ABCC1: variants seen among roughly 807,000 people sequenced by gnomAD.
ABCC1 encodes the protein multidrug resistance-associated protein 1.
ABCC1 carries 83 observed loss-of-function variants against 172.9 expected under a neutral mutation model. That is an observed-to-expected ratio of 0.48 (90% confidence interval 0.40 to 0.58). The LOEUF (loss-of-function observed/expected upper bound fraction) is 0.58, where lower values mean the gene tolerates loss of function less well. Among genes scored for constraint, ABCC1 ranks in the 20% least tolerant of loss-of-function variants. The pLI is 0.00. For synonymous variants in ABCC1, 937 were observed against 825.2 expected (o/e 1.14, Z -2.32); for missense variants, 1,817 against 2,002.7 (o/e 0.91, Z 1.77).
chr16:16,132,008 G>T, intron 27 of ABCC1, 73 bp downstream of exon 27: 15 of 1,553,790 alleles, frequency 9.7e-6, no homozygotes, highest in Non-Finnish European at 1.3e-5. Context: ...GGTGAACCTA[G>T]CTGCAGCGTC....
intron 1 of ABCC1, among the ~76,000 whole-genome samples, chr16:16,006,425 GAAA>G (rs11441920): frequency 6.7e-6 from 1 of 149,172 alleles, no homozygotes; most frequent in African/African-American, 2.5e-5. Flanking sequence ...TTCAAAAAAA[GAAA>G]AAAAAAAGAA....
chr16:15,993,708 T>G (rs246218), intron 1 of ABCC1, among the ~76,000 whole-genome samples: 4 of 148,126 alleles, frequency 2.7e-5, no homozygotes, highest in Non-Finnish European at 4.4e-5. Context: ...AACCTAGACC[T>G]GGAACCTTGT....
intron 17 of ABCC1, 132 bp downstream of exon 17, chr16:16,083,674 T>G: frequency 8.5e-7 from 1 of 1,173,222 alleles, no homozygotes; most frequent in Non-Finnish European, 1.2e-6. Flanking sequence ...GCGGCTCTGC[T>G]GCACGCTGCA....
Position 16,142,425 on chromosome 16 carries a change from T to A in ABCC1, c.*1144T>A. On this transcript the variant is annotated 3_prime_UTR_variant, in exon 31 of 31. Coordinates refer to ENST00000399410, the MANE Select transcript of ABCC1 (RefSeq NM_004996.4). ...TAAAGAACACGAAATACCTCCCAAG[T>A]ATTACCAGTGGGTACCAAAAAAATG... The A allele has an allele frequency of 6.6e-6, 1 of 152,198 alleles. No individual in the cohort carries two copies. The highest frequency in any genetic ancestry group is 6.5e-5 in the Admixed American group (1 of 15,284). 9.4% of individuals were successfully genotyped at this position (152,198 alleles called of 1,614,324 possible).
intron 27 of ABCC1, among the ~76,000 whole-genome samples, chr16:16,132,363 G>A (rs968981901): frequency 2.7e-5 from 4 of 150,678 alleles, no homozygotes; most frequent in Non-Finnish European, 5.9e-5. Context: ...TGTAGAGATG[G>A]GGGTCCTACT....
At position 16,124,829 on chromosome 16, in the gene ABCC1, G is replaced by A. The variant is rs760384485; in HGVS notation, c.3631G>A (p.Val1211Ile). Residue 1211 changes from valine to isoleucine, a missense_variant, in exon 25 of 31, where the codon GTT (valine) becomes ATT (isoleucine). This residue lies in a region of ABCC1 where 1,412 missense variants were observed against 1,600.3 expected (regional missense o/e 0.88). Coordinates refer to ENST00000399410, the MANE Select transcript of ABCC1 (RefSeq NM_004996.4). Reference sequence around the variant, plus strand: ...GCTGGAGTGTGTGGGCAACTGCATCGTTCTGTTTGCTGCCCTGTTTGCGGT... The same window carrying A: ...GCTGGAGTGTGTGGGCAACTGCATCATTCTGTTTGCTGCCCTGTTTGCGGT... ...VRLECVGNCI[V>I]LFAALFAVIS... is the part of the protein sequence containing the mutation. The A allele has an allele frequency of 8.2e-5, 133 of 1,614,072 alleles. No individual in the cohort carries two copies. Among genetic ancestry groups the A allele is most frequent in the Non-Finnish European group, 1.1e-4 (125 of 1,180,048 alleles).
At chr16:16,027,537 G>A (rs1219231632) in intron 5 of ABCC1, among the ~76,000 whole-genome samples, 1 of 152,172 alleles carries the variant, frequency 6.6e-6, no homozygotes, top group Non-Finnish European at 1.5e-5. Flanking sequence ...TATAGGTTGG[G>A]CACGGTGGTT....
At chr16:16,044,422 A>C in intron 7 of ABCC1, 28 bp from the exon 8 acceptor site, 1 of 1,601,856 alleles carries the variant, frequency 6.2e-7, no homozygotes, top group Non-Finnish European at 8.5e-7. Flanking sequence ...GGCAGACCCC[A>C]CAACGGCTTC....
intron 19 of ABCC1, among the ~76,000 whole-genome samples, chr16:16,101,746 A>G (rs2051761649): frequency 6.6e-6 from 1 of 152,162 alleles, no homozygotes; most frequent in Non-Finnish European, 1.5e-5. Context: ...GGAAAGAGAT[A>G]TGATCTGTGT....
chr16:15,995,675 T>G (rs1257369982), intron 1 of ABCC1, among the ~76,000 whole-genome samples: 2 of 152,148 alleles, frequency 1.3e-5, no homozygotes, highest in Non-Finnish European at 2.9e-5. Context: ...GTTACTTATT[T>G]ATTTATTTTT....
intron 10 of ABCC1, among the ~76,000 whole-genome samples, chr16:16,049,276 G>T (rs1465791488): frequency 6.6e-6 from 1 of 152,172 alleles, no homozygotes; most frequent in African/African-American, 2.4e-5. Flanking sequence ...AGAGCACTCT[G>T]ATTAGCCTGG....
chr16:16,098,369 A>G (rs1019976709), intron 19 of ABCC1: 10 of 195,290 alleles, frequency 5.1e-5, no homozygotes, highest in African/African-American at 2.3e-4. Context: ...CTGTAATCCT[A>G]GCACTTTGGG....
Position 16,090,647 on chromosome 16 carries a change from T to C in ABCC1, c.2644+59T>C, listed in dbSNP as rs567965983. 44 of 1,477,006 alleles carry C rather than the reference T, an allele frequency of 3.0e-5. No homozygotes were observed. The Admixed American group carries it at 8.2e-4, about 28-fold the overall frequency. The allele number at this position is 1,477,006 out of a possible 1,614,324, so 91.5% of individuals were successfully genotyped here. ...GTGTCTGGCACCTTGAAGGGCCACATTGGCCTCTTTGAGGTTGCCACCAGC... is the reference window on the plus strand; with the variant it reads ...GTGTCTGGCACCTTGAAGGGCCACACTGGCCTCTTTGAGGTTGCCACCAGC... On this transcript the variant is annotated intron_variant, in intron 19 of 30. Transcript: ENST00000399410.
At chr16:15,987,320 A>G (rs1246943063) in intron 1 of ABCC1, among the ~76,000 whole-genome samples, 7 of 152,196 alleles carry the variant, frequency 4.6e-5, no homozygotes, top group Non-Finnish European at 1.0e-4. Flanking sequence ...ACAGATGCGG[A>G]AACTGAGGTT....
Position 15,960,104 on chromosome 16 carries a change from C to T in ABCC1, c.48+10305C>T, listed in dbSNP as rs189594077. Among the ~76,000 whole-genome samples the T allele has an allele frequency of 8.3e-4, 127 of 152,222 alleles. 3 individuals are homozygous for T. The highest frequency in any genetic ancestry group is 2.7e-3 in the African/African-American group (114 of 41,550). On this transcript the variant is annotated intron_variant, in intron 1 of 30. Coordinates refer to ENST00000399410, the MANE Select transcript of ABCC1 (RefSeq NM_004996.4). ...TACAAGAAATTTGTGTGGTGTTTGACTGATTGATGGATGGAGTCTTGTTCT... is the reference window on the plus strand; with the variant it reads ...TACAAGAAATTTGTGTGGTGTTTGATTGATTGATGGATGGAGTCTTGTTCT...
intron 6 of ABCC1, 133 bp downstream of exon 6, chr16:16,033,303 T>G: frequency 1.2e-6 from 1 of 863,160 alleles, no homozygotes; most frequent in Non-Finnish European, 1.9e-6. Flanking sequence ...GTCTTGAATC[T>G]GCCTGTGCTG....
intron 12 of ABCC1, among the ~76,000 whole-genome samples, chr16:16,062,904 C>A (rs2049974782): frequency 6.6e-6 from 1 of 152,152 alleles, no homozygotes; most frequent in Non-Finnish European, 1.5e-5. Context: ...AAAATAGCAT[C>A]GCCAGGCAGC....
chr16:16,048,562 C>G (rs1345906525), intron 10 of ABCC1, among the ~76,000 whole-genome samples: 1 of 152,138 alleles, frequency 6.6e-6, no homozygotes, highest in African/African-American at 2.4e-5. Flanking sequence ...AATTAACTAC[C>G]CTACAATGGA....
At chr16:16,105,859 C>T (rs992556510) in intron 20 of ABCC1, among the ~76,000 whole-genome samples, 2 of 147,972 alleles carry the variant, frequency 1.4e-5, no homozygotes, top group Non-Finnish European at 3.0e-5. Flanking sequence ...AGCTCATGAC[C>T]ACTGATGTGC....
Sources: allele counts gnomAD v4.1 joint callset (sites outside exome capture counted in the v4.1 genomes callset), GRCh38; gene constraint gnomAD v4.1.1; regional missense constraint gnomAD v4.1.1; transcripts MANE v1.5; gene names NCBI Gene and HGNC (gene_info 2026-07-23, HGNC 2026-07-21).